The following EPHB1 variants were observed in gnomAD, a reference collection of about 807,000 sequenced individuals.
EPHB1 encodes EPH receptor B1.
EPHB1 carries 30 observed loss-of-function variants against 94.4 expected under a neutral mutation model. The ratio of observed to expected loss-of-function variants is 0.32; its 90% confidence interval spans 0.24 to 0.43. The LOEUF (loss-of-function observed/expected upper bound fraction) is 0.43. Ranked by LOEUF, EPHB1 falls within the 20% of genes least tolerant of loss-of-function variation. The pLI is 1.00. For missense variants in EPHB1, 1,055 were observed against 1,308.3 expected (o/e 0.81, Z 2.99); for synonymous variants, 522 against 489.1 (o/e 1.07, Z -0.89).
intron 3 of EPHB1, among the ~76,000 whole-genome samples, chr3:135,027,852 C>T (rs1936251181): frequency 7.5e-6 from 1 of 133,582 alleles, no homozygotes; most frequent in South Asian, 2.7e-4. Context: ...TCCATCTGGT[C>T]CTGGACTCTT....
intron 12 of EPHB1, among the ~76,000 whole-genome samples, chr3:135,234,525 C>CAAT (rs1367050342): frequency 6.6e-6 from 1 of 152,174 alleles, no homozygotes; most frequent in Non-Finnish European, 1.5e-5. Context: ...TTCAGGTATC[C>CAAT]TTATAGCAGC....
chr3:134,810,604 G>C (rs1232407148), intron 1 of EPHB1, among the ~76,000 whole-genome samples: 1 of 152,220 alleles, frequency 6.6e-6, no homozygotes, highest in Non-Finnish European at 1.5e-5. Flanking sequence ...AGCGTACAAA[G>C]CAAGTGTTTC....
chr3:135,165,376 T>A (rs1010808944), intron 7 of EPHB1, among the ~76,000 whole-genome samples: 2 of 152,208 alleles, frequency 1.3e-5, no homozygotes, highest in Admixed American at 1.3e-4. Context: ...GGCTTCCCAT[T>A]CCACTGCATA....
intron 4 of EPHB1, among the ~76,000 whole-genome samples, chr3:135,124,895 G>A (rs750714199): frequency 1.1e-4 from 17 of 151,528 alleles, no homozygotes; most frequent in Non-Finnish European, 2.2e-4. Context: ...CTGAGCTTGC[G>A]GTGAGACAGG....
intron 1 of EPHB1, among the ~76,000 whole-genome samples, chr3:134,880,111 G>T (rs1421298745): frequency 6.6e-6 from 1 of 152,136 alleles, no homozygotes; most frequent in Non-Finnish European, 1.5e-5. Context: ...GAACCCTCTG[G>T]GAAGAAGCAC....
At chr3:135,159,496 A>G (rs966516259) in intron 6 of EPHB1, among the ~76,000 whole-genome samples, 1 of 152,192 alleles carries the variant, frequency 6.6e-6, no homozygotes, top group African/African-American at 2.4e-5. Flanking sequence ...TAGCAATGGG[A>G]TTTTATTCTT....
intron 12 of EPHB1, among the ~76,000 whole-genome samples, chr3:135,219,737 G>A (rs1345249599): frequency 3.3e-5 from 5 of 152,282 alleles, no homozygotes; most frequent in Non-Finnish European, 5.9e-5. Flanking sequence ...GGACTCCTCC[G>A]GTTTCTAAAG....
chr3:135,065,168 T>G (rs975348868), intron 3 of EPHB1, among the ~76,000 whole-genome samples: 1 of 152,168 alleles, frequency 6.6e-6, no homozygotes, highest in Admixed American at 6.5e-5. Flanking sequence ...GAATAGAATG[T>G]GTATTCTGCA....
In EPHB1 at chr3:134,809,370, ATTT is replaced by A. The variant is rs11440776; in HGVS notation, c.58+13691_58+13693del. Among the ~76,000 whole-genome samples, 463 of 149,812 alleles carry A rather than the reference ATTT, an allele frequency of 3.1e-3. 1 individual carries two copies. Among genetic ancestry groups the A allele is most frequent in the African/African-American group, 0.011 (441 of 41,100 alleles). The stretch of plus-strand genomic sequence containing the variant: ...TCCCAGCTAAGCAGAAAAAGAACAG[ATTT>A]TTTTTTTTTAAAAAAACACAGTAGC... On this transcript the variant is annotated intron_variant, in intron 1 of 15. Coordinates refer to ENST00000398015, the MANE Select transcript of EPHB1 (RefSeq NM_004441.5).
chr3:135,071,817 C>A (rs1024470497), intron 3 of EPHB1, among the ~76,000 whole-genome samples: 1 of 152,180 alleles, frequency 6.6e-6, no homozygotes, highest in Admixed American at 6.5e-5. Flanking sequence ...TGAGTGCATC[C>A]CACACTGAAC....
At chr3:135,094,602 A>G (rs191643165) in intron 3 of EPHB1, among the ~76,000 whole-genome samples, 222 of 152,248 alleles carry the variant, frequency 1.5e-3, no homozygotes, top group Non-Finnish European at 2.5e-3. Flanking sequence ...AAAGGCAAGC[A>G]CCTTCTCCAG....
chr3:135,251,322 G>T (rs1933086039), intron 15 of EPHB1, among the ~76,000 whole-genome samples: 1 of 152,138 alleles, frequency 6.6e-6, no homozygotes, highest in Non-Finnish European at 1.5e-5. Flanking sequence ...GATAATCAGA[G>T]GGACTGAGTT....
At chr3:134,862,204 G>T (rs1431594598) in intron 1 of EPHB1, among the ~76,000 whole-genome samples, 1 of 152,192 alleles carries the variant, frequency 6.6e-6, no homozygotes, top group East Asian at 1.9e-4. Flanking sequence ...GCTGGGAGAA[G>T]CACCTGGCTT....
chr3:135,139,775 G>T (rs1229329823), intron 5 of EPHB1, among the ~76,000 whole-genome samples: 2 of 152,242 alleles, frequency 1.3e-5, no homozygotes, highest in Admixed American at 6.5e-5. Flanking sequence ...ACGTGTCGTT[G>T]CCAGAGAGCA....
intron 12 of EPHB1, among the ~76,000 whole-genome samples, chr3:135,227,298 TA>T (rs1159516014): frequency 1.3e-5 from 2 of 152,250 alleles, no homozygotes; most frequent in South Asian, 2.1e-4. Flanking sequence ...TTCATAACAT[TA>T]AAAAATAAAA....
At chr3:134,977,404 T>G (rs13353524) in intron 3 of EPHB1, among the ~76,000 whole-genome samples, 16,105 of 152,182 alleles carry the variant, frequency 0.11, 969 homozygotes, top group South Asian at 0.17. Flanking sequence ...CGTGGCAGAC[T>G]CCCCCGCAAA....
chr3:135,065,324 G>T (rs1490929879), intron 3 of EPHB1, among the ~76,000 whole-genome samples: 1 of 152,084 alleles, frequency 6.6e-6, no homozygotes, highest in East Asian at 1.9e-4. Context: ...CAATATTATT[G>T]TGTTGCTCTC....
intron 11 of EPHB1, 148 bp from the exon 12 acceptor site, chr3:135,201,326 G>C (rs1160747056): frequency 1.4e-6 from 1 of 732,690 alleles, no homozygotes; most frequent in South Asian, 1.7e-5. Context: ...AGAAGAATGG[G>C]GGATGGGAGT....
At chr3:135,030,536 GGGGGTCA>G (rs1553724245) in intron 3 of EPHB1, among the ~76,000 whole-genome samples, 1 of 152,202 alleles carries the variant, frequency 6.6e-6, no homozygotes, top group Non-Finnish European at 1.5e-5. Flanking sequence ...TAGGCTGGTC[GGGGGTCA>G]GGGGTCAGGG....
Sources: gnomAD v4.1 joint callset for allele counts (sites outside exome capture counted in the v4.1 genomes callset) on GRCh38, gnomAD v4.1.1 for gene constraint, MANE v1.5 for transcripts, NCBI Gene and HGNC (gene_info 2026-07-23, HGNC 2026-07-21) for gene names.